Variants in GAPVD1 observed in about 807,000 individuals in gnomAD.
GAPVD1 encodes GTPase-activating protein and VPS9 domain-containing protein 1.
A neutral mutation model predicts 155.5 loss-of-function variants in GAPVD1; 35 were observed. That is an observed-to-expected ratio of 0.23 (90% CI 0.17 to 0.30). GAPVD1 has a LOEUF of 0.30. Among genes scored for constraint, GAPVD1 ranks in the 10% least tolerant of loss-of-function variants. GAPVD1 has a pLI of 1.00. For synonymous variants in GAPVD1, 636 were observed against 619.7 expected (o/e 1.03, Z -0.39); for missense variants, 1,429 against 1,775.7 (o/e 0.80, Z 3.51).
In GAPVD1 at chr9:125,346,799, C is replaced by T; in HGVS notation, c.3047-20C>T. The T allele has an allele frequency of 6.2e-7, 1 of 1,607,850 alleles. No homozygotes were observed. The highest frequency in any genetic ancestry group is 8.5e-7 in the Non-Finnish European group (1 of 1,174,300). ...TACAAACCCAAGGGGCTAATTCTCT[C>T]ACTCTCCTTTCCCTTGCAGATGATC... On this transcript the variant is annotated intron_variant, in intron 19 of 27. Coordinates refer to ENST00000297933, the MANE Select transcript of GAPVD1 (RefSeq NM_001282680.3).
At chr9:125,330,252 A>G in intron 13 of GAPVD1, 34 bp downstream of exon 13, 3 of 1,479,488 alleles carry the variant, frequency 2.0e-6, no homozygotes, top group Non-Finnish European at 2.7e-6. Context: ...TTTTTCATTT[A>G]TACAGAAGTT....
At position 125,349,612 on chromosome 9, in the gene GAPVD1, T is replaced by C. The variant is rs553917561; in HGVS notation, c.3299+93T>C. 1.0e-5 allele frequency: 11 copies of C among 1,081,980 alleles called. No individual in the cohort carries two copies. In the African/African-American group the frequency reaches 1.7e-4, roughly 17 times the overall value. 67.0% of individuals were successfully genotyped at this position (1,081,980 alleles called of 1,614,324 possible). ...TCAAGTGATGTTTTGAGTCAATAAA[T>C]GTATAAAGCAGGGAGAGAAAAATGA... On this transcript the variant is annotated intron_variant, in intron 21 of 27. Coordinates refer to ENST00000297933, the MANE Select transcript of GAPVD1 (RefSeq NM_001282680.3).
chr9:125,323,940 C>A lies in GAPVD1; in HGVS notation c.1858+17C>A, dbSNP rs1170098485. ...ATGAGCAAGGTAAAGTGAAGTTGAACACAGTTGCCTAAGTAGCAAAGAATT... is the reference window on the plus strand; with the variant it reads ...ATGAGCAAGGTAAAGTGAAGTTGAAAACAGTTGCCTAAGTAGCAAAGAATT... On this transcript the variant is annotated intron_variant, in intron 11 of 27. Transcript: ENST00000297933. The A allele has an allele frequency of 6.2e-7, 1 of 1,609,102 alleles. No individual in the cohort carries two copies. Among genetic ancestry groups the A allele is most frequent in the South Asian group, 1.1e-5 (1 of 90,274 alleles).
chr9:125,277,209 A>G (rs1835928206), intron 2 of GAPVD1, among the ~76,000 whole-genome samples: 1 of 152,202 alleles, frequency 6.6e-6, no homozygotes, highest in Non-Finnish European at 1.5e-5. Flanking sequence ...AGCACCTGCT[A>G]AATGCCAGTC....
At chr9:125,280,335 G>T (rs187846353) in intron 2 of GAPVD1, among the ~76,000 whole-genome samples, 2 of 139,520 alleles carry the variant, frequency 1.4e-5, no homozygotes, top group Admixed American at 1.5e-4. Flanking sequence ...GGCGGAGGTT[G>T]TGGTGAGCCG....
chr9:125,341,116 C>A, intron 17 of GAPVD1, 61 bp from the exon 18 acceptor site: 1 of 879,364 alleles, frequency 1.1e-6, no homozygotes, highest in Admixed American at 1.7e-5. Context: ...AAAAGAAATC[C>A]TTTTCTTAGT....
chr9:125,281,278 G>T (rs1836746672), intron 2 of GAPVD1, among the ~76,000 whole-genome samples: 1 of 151,986 alleles, frequency 6.6e-6, no homozygotes. Context: ...CTTGAATTTA[G>T]AAGTATATTA....
At chr9:125,345,837 CAAA>C in intron 19 of GAPVD1, 1 of 152,162 alleles carries the variant, frequency 6.6e-6, no homozygotes, top group South Asian at 2.1e-4. Flanking sequence ...CACACACACA[CAAA>C]ATACGTATAT....
In GAPVD1 at chr9:125,337,515, C is replaced by T; in HGVS notation, c.2801C>T (p.Ala934Val). ...NEERELPPAA[A>V]IGATSLVAAP... ...GAGCGAGAACTCCCTCCAGCTGCAGCCATTGGTGCTACTTCTTTGGTGGCT... is the reference window on the plus strand; with the variant it reads ...GAGCGAGAACTCCCTCCAGCTGCAGTCATTGGTGCTACTTCTTTGGTGGCT... The change falls in exon 17 of 28, where the codon GCC becomes GTC. Residue 934 changes from alanine to valine, a missense_variant. By Grantham distance (64) the Ala-to-Val change is moderately conservative. Transcript: ENST00000297933. 1 of 1,614,100 alleles carries T rather than the reference C, an allele frequency of 6.2e-7. No individual in the cohort carries two copies. The highest frequency in any genetic ancestry group is 8.5e-7 in the Non-Finnish European group (1 of 1,179,940).
chr9:125,276,383 G>T (rs1034292671), intron 2 of GAPVD1, among the ~76,000 whole-genome samples: 1 of 152,038 alleles, frequency 6.6e-6, no homozygotes, highest in African/African-American at 2.4e-5. Flanking sequence ...AATATTTACT[G>T]CCTAATTTTG....
intron 8 of GAPVD1, chr9:125,308,115 A>G (rs996151600): frequency 1.8e-6 from 1 of 562,548 alleles, no homozygotes; most frequent in African/African-American, 1.9e-5. Context: ...TATCCACAGT[A>G]TACTTTCTTT....
intron 23 of GAPVD1, among the ~76,000 whole-genome samples, chr9:125,353,685 C>T (rs758140334): frequency 8.5e-5 from 13 of 152,168 alleles, no homozygotes; most frequent in Non-Finnish European, 1.6e-4. Context: ...TTTCACATGG[C>T]AGCAGACAAG....
chr9:125,324,868 A>T (rs1002735979), intron 11 of GAPVD1, among the ~76,000 whole-genome samples: 1 of 152,184 alleles, frequency 6.6e-6, no homozygotes, highest in Non-Finnish European at 1.5e-5. Flanking sequence ...TTCAGTGAAG[A>T]TGAGGAAGTG....
At chr9:125,362,490 G>A in intron 27 of GAPVD1, 116 bp from the exon 28 acceptor site, 12 of 836,948 alleles carry the variant, frequency 1.4e-5, no homozygotes, top group Non-Finnish European at 2.0e-5. Context: ...CTTTGGGGTT[G>A]TTTTCAAAAG....
At position 125,365,043 on chromosome 9, in the gene GAPVD1, T is replaced by A. The variant is rs1851379073; in HGVS notation, c.*2297T>A. 1 of 151,856 alleles carries A rather than the reference T, an allele frequency of 6.6e-6. No individual in the cohort carries two copies. The highest frequency in any genetic ancestry group is 1.5e-5 in the Non-Finnish European group (1 of 67,994). 9.4% of individuals were successfully genotyped at this position (151,856 alleles called of 1,614,324 possible). On this transcript the variant is annotated 3_prime_UTR_variant, in exon 28 of 28. Coordinates refer to ENST00000297933, the MANE Select transcript of GAPVD1 (RefSeq NM_001282680.3). ...CTCTTTTCTGTGGAAGAGAAGGTGG[T>A]GGGATTGGGGTGAAGGGCTACACTG...
Position 125,362,816 on chromosome 9 carries a change from C to T in GAPVD1, c.*70C>T. 7.0e-7 allele frequency: 1 copy of T among 1,433,124 alleles called. No homozygotes were observed. Among genetic ancestry groups the T allele is most frequent in the Non-Finnish European group, 9.6e-7 (1 of 1,037,416 alleles). 88.8% of individuals were successfully genotyped at this position (1,433,124 alleles called of 1,614,324 possible). ...ACAGATCTCTGAGAAGGTGCATCAG[C>T]TGCTTTGAAGGCTGAAGATTGTTTT... On this transcript the variant is annotated 3_prime_UTR_variant, in exon 28 of 28. Coordinates refer to ENST00000297933, the MANE Select transcript of GAPVD1 (RefSeq NM_001282680.3).
chr9:125,336,036 T>C (rs1183011274), intron 15 of GAPVD1, among the ~76,000 whole-genome samples: 1 of 151,338 alleles, frequency 6.6e-6, no homozygotes, highest in Non-Finnish European at 1.5e-5. Context: ...TCACAGCTAT[T>C]TGGGAGGCTA....
At chr9:125,304,951 A>G in intron 5 of GAPVD1, 112 bp from the exon 6 acceptor site, 2 of 652,304 alleles carry the variant, frequency 3.1e-6, no homozygotes, top group Non-Finnish European at 5.5e-6. Context: ...TGATATGAAT[A>G]GTATTATGAA....
intron 20 of GAPVD1, among the ~76,000 whole-genome samples, chr9:125,347,698 G>A (rs917985854): frequency 1.4e-5 from 2 of 146,972 alleles, no homozygotes; most frequent in African/African-American, 5.2e-5. Context: ...TCCAGTCTGG[G>A]CAAAAGAGCA....
Sources: allele counts gnomAD v4.1 joint callset (sites outside exome capture counted in the v4.1 genomes callset), GRCh38; gene constraint gnomAD v4.1.1; transcripts MANE v1.5; gene names NCBI Gene and HGNC (gene_info 2026-07-23, HGNC 2026-07-21).